PGAP1: variants seen among roughly 807,000 people sequenced by gnomAD.
PGAP1 encodes post-GPI attachment to proteins inositol deacylase 1.
A neutral mutation model predicts 127.0 loss-of-function variants in PGAP1; 76 were observed. The observed-to-expected ratio is 0.60, with a 90% CI of 0.50 to 0.72. The LOEUF (loss-of-function observed/expected upper bound fraction) is 0.72. Ranked by LOEUF, PGAP1 falls within the 30% of genes least tolerant of loss-of-function variation. The probability of loss-of-function intolerance (pLI) is 0.00; values close to 1 mark genes in which losing one functional copy is unlikely to be tolerated. For missense variants in PGAP1, 982 were observed against 1,071.3 expected, an observed-to-expected ratio of 0.92 and a Z score of 1.16; for synonymous variants, 362 against 366.5, an observed-to-expected ratio of 0.99 and a Z score of 0.14.
intron 5 of PGAP1, among the ~76,000 whole-genome samples, chr2:196,901,255 A>T (rs1388262715): frequency 1.3e-5 from 2 of 152,214 alleles, no homozygotes; most frequent in Non-Finnish European, 2.9e-5. Context: ...TAGTTTTACT[A>T]ATTTAGTTCC....
chr2:196,870,787 G>A (rs1401008165), intron 19 of PGAP1, among the ~76,000 whole-genome samples, 154 bp downstream of exon 19: 2 of 152,104 alleles, frequency 1.3e-5, no homozygotes, highest in African/African-American at 4.8e-5. Flanking sequence ...GAAGACAGAA[G>A]CAACTACAGC....
chr2:196,891,049 T>C (rs1233201789), intron 9 of PGAP1, 138 bp from the exon 10 acceptor site: 5 of 558,618 alleles, frequency 9.0e-6, no homozygotes, highest in Admixed American at 8.8e-5. Flanking sequence ...TCTCTAGGAG[T>C]GGGAGAAGGA....
intron 1 of PGAP1, among the ~76,000 whole-genome samples, chr2:196,923,506 A>G (rs903405912): frequency 2.6e-5 from 4 of 152,192 alleles, no homozygotes; most frequent in Admixed American, 6.5e-5. Context: ...TGTATTTATC[A>G]AGACATAAAG....
chr2:196,872,522 C>T lies in PGAP1; in HGVS notation c.1647G>A (p.Leu549=). 1 of 1,612,732 alleles carries T rather than the reference C, an allele frequency of 6.2e-7. No homozygotes were observed. Among genetic ancestry groups the T allele is most frequent in the South Asian group, 1.1e-5 (1 of 91,030 alleles). ...AQAPSSTEIS[L]KLHIAQPENN... is the part of the protein sequence containing the mutation. ...TTTCTGGTTGAGCAATATGGAGTTT[C>T]AGAGAAATTTCTGTGGAAGATGGAG... The change falls in exon 18 of 27, where the codon CTG becomes CTA. Residue 549 remains leucine (L), a synonymous_variant. Transcript: ENST00000354764.
At position 196,878,385 on chromosome 2, in the gene PGAP1, C is replaced by A. The variant is rs147098447; in HGVS notation, c.1350+1691G>T. 2.0e-5 allele frequency among the ~76,000 whole-genome samples: 3 copies of A among 152,266 alleles called. No homozygotes were observed. The East Asian group carries it at 5.8e-4, about 29-fold the overall frequency. Reference sequence around the variant, plus strand: ...AATTTTGACTGTTTTGACTACATCTCACCACATGAGGTCAGGGGTTGAATT... The same window carrying A: ...AATTTTGACTGTTTTGACTACATCTAACCACATGAGGTCAGGGGTTGAATT... On this transcript the variant is annotated intron_variant, in intron 13 of 26. Transcript: ENST00000354764.
chr2:196,914,140 C>T (rs779228803), intron 3 of PGAP1, among the ~76,000 whole-genome samples: 4 of 152,146 alleles, frequency 2.6e-5, no homozygotes, highest in Non-Finnish European at 5.9e-5. Context: ...CTTTGACCTT[C>T]GCAAGTACCT....
intron 19 of PGAP1, among the ~76,000 whole-genome samples, chr2:196,866,316 CA>C (rs1701240890): frequency 1.3e-5 from 2 of 152,060 alleles, no homozygotes; most frequent in Admixed American, 6.5e-5. Flanking sequence ...GAAATAACAC[CA>C]CACATCTACA....
intron 10 of PGAP1, among the ~76,000 whole-genome samples, chr2:196,888,152 T>G (rs982953415): frequency 1.3e-5 from 2 of 152,140 alleles, no homozygotes; most frequent in Non-Finnish European, 2.9e-5. Context: ...ATTACAAAAA[T>G]CATACTAAAA....
intron 10 of PGAP1, among the ~76,000 whole-genome samples, chr2:196,887,201 G>A (rs909054003): frequency 5.9e-5 from 9 of 151,976 alleles, no homozygotes; most frequent in Non-Finnish European, 8.8e-5. Context: ...TGGCTAACAC[G>A]GTGAAACCCC....
chr2:196,919,473 G>C (rs1248593492), intron 2 of PGAP1, among the ~76,000 whole-genome samples: 2 of 152,202 alleles, frequency 1.3e-5, no homozygotes, highest in Non-Finnish European at 2.9e-5. Flanking sequence ...TGTTACGCCA[G>C]AAATAACTGC....
intron 20 of PGAP1, among the ~76,000 whole-genome samples, chr2:196,857,009 G>A (rs1246084466): frequency 1.3e-5 from 2 of 152,114 alleles, no homozygotes; most frequent in Non-Finnish European, 2.9e-5. Context: ...TTTTGTGGCA[G>A]TTGTGAATGG....
At chr2:196,845,299 A>G (rs1700525271) in intron 23 of PGAP1, among the ~76,000 whole-genome samples, 1 of 151,702 alleles carries the variant, frequency 6.6e-6, no homozygotes, top group African/African-American at 2.4e-5. Flanking sequence ...TCTGATGTCA[A>G]CTGTCTGTTC....
At chr2:196,871,766 A>C (rs1396495631) in intron 18 of PGAP1, among the ~76,000 whole-genome samples, 1 of 152,180 alleles carries the variant, frequency 6.6e-6, no homozygotes, top group Non-Finnish European at 1.5e-5. Flanking sequence ...CAAAGAATCC[A>C]AACATTTAAG....
rs563031617 is a variant in PGAP1, at chr2:196,853,819, C to T, written c.1862-5782G>A. Among the ~76,000 whole-genome samples the T allele has an allele frequency of 7.2e-5, 11 of 152,042 alleles. No individual in the cohort carries two copies. The East Asian group carries it at 1.7e-3, about 24-fold the overall frequency. On this transcript the variant is annotated intron_variant, in intron 20 of 26. Transcript: ENST00000354764. Reference sequence around the variant, plus strand: ...TTTTGAAGTCTTTTACTACTTTAACCGAAATACTATTATTTCACAATGACC... The same window carrying T: ...TTTTGAAGTCTTTTACTACTTTAACTGAAATACTATTATTTCACAATGACC...
chr2:196,872,988 A>G lies in PGAP1; in HGVS notation c.1591T>C (p.Ser531Pro). Residue 531 changes from serine to proline, a missense_variant, in exon 17 of 27, where the codon TCT (serine) becomes CCT (proline). By Grantham distance (74) the Ser-to-Pro change is moderately conservative. Transcript: ENST00000354764. The part of the protein sequence containing the change: ...TSIYRLHIPW[S>P]YEDSLTIAQA... ...GCAATGGTTAGTGAATCTTCATAAG[A>G]CCAAGGAATATGAAGTCTATAGATA... 1 of 1,072,994 alleles carries G rather than the reference A, an allele frequency of 9.3e-7. No homozygotes were observed. Among genetic ancestry groups the G allele is most frequent in the Admixed American group, 2.4e-5 (1 of 41,016 alleles). The allele number at this position is 1,072,994 out of a possible 1,614,324, so 66.5% of individuals were successfully genotyped here.
chr2:196,921,776 T>G (rs1284509861), intron 1 of PGAP1, among the ~76,000 whole-genome samples: 2 of 151,978 alleles, frequency 1.3e-5, no homozygotes, highest in Non-Finnish European at 2.9e-5. Flanking sequence ...ATATACAGAA[T>G]TTTTCAAAAA....
rs1322336391 is a variant in PGAP1 at position 196,926,578 on chromosome 2, A to G, written c.39T>C (p.Phe13=). The stretch of plus-strand genomic sequence containing the variant: ...TTGCCAGAAAGACCATGAAGACATA[A>G]AACGCCAGGTTCCAGAGATTAACTG... ...LHSVNLWNLA[F]YVFMVFLATL... is the part of the protein sequence containing the mutation. The change falls in exon 1 of 27, where the codon TTT becomes TTC. Residue 13 remains phenylalanine, a synonymous_variant. Transcript: ENST00000354764. 53 of 1,613,764 alleles carry G rather than the reference A, an allele frequency of 3.3e-5. No homozygotes were observed. The highest frequency in any genetic ancestry group is 3.6e-5 in the Non-Finnish European group (42 of 1,179,886).
At chr2:196,843,140 C>T (rs1024112076) in intron 25 of PGAP1, among the ~76,000 whole-genome samples, 1 of 152,144 alleles carries the variant, frequency 6.6e-6, no homozygotes, top group East Asian at 1.9e-4. Flanking sequence ...ACTTAAAATA[C>T]ATGAGTACTA....
Position 196,897,152 on chromosome 2 carries a change from A to G in PGAP1, c.906T>C (p.Leu302=), listed in dbSNP as rs138525017. 4.7e-3 allele frequency: 7,423 copies of G among 1,578,116 alleles called. 23 individuals are homozygous for G. Among genetic ancestry groups the G allele is most frequent in the Non-Finnish European group, 5.8e-3 (6,762 of 1,157,034 alleles). ...ATACTTGTTTAGTATCAGCATCAATAAGATCAAAGAATGCTCGAACTGTAG... is the reference window on the plus strand; with the variant it reads ...ATACTTGTTTAGTATCAGCATCAATGAGATCAAAGAATGCTCGAACTGTAG... ...QLTTVRAFFD[L]IDADTKQITQ... The change falls in exon 7 of 27, where the codon CTT becomes CTC. Residue 302 remains leucine (L), a synonymous_variant. Transcript: ENST00000354764.
Sources: allele counts gnomAD v4.1 joint callset (sites outside exome capture counted in the v4.1 genomes callset), GRCh38; gene constraint gnomAD v4.1.1; transcripts MANE v1.5; gene names NCBI Gene and HGNC (gene_info 2026-07-23, HGNC 2026-07-21).